RAD54L2: variants seen among roughly 807,000 people sequenced by gnomAD.
The protein encoded by RAD54L2 is helicase ARIP4.
A neutral mutation model predicts 138.4 loss-of-function variants in RAD54L2; 27 were observed. The ratio of observed to expected loss-of-function variants is 0.20; its 90% CI spans 0.14 to 0.27. RAD54L2 has a LOEUF of 0.27. Among genes scored for constraint, RAD54L2 ranks in the 10% least tolerant of loss-of-function variants. The pLI, the probability that RAD54L2 is intolerant of heterozygous loss-of-function variation, is 1.00. For missense variants in RAD54L2, 1,396 were observed against 1,890.2 expected, an observed-to-expected ratio of 0.74 and a Z score of 4.85; for synonymous variants, 644 against 723.2, an observed-to-expected ratio of 0.89 and a Z score of 1.76.
In RAD54L2 at chr3:51,638,449, C is replaced by T; in HGVS notation, c.1860+128C>T. Reference sequence around the variant, plus strand: ...GAGAGGGGGCCACCTCAGTTCACTGCACTGGAGGTTTGGGGGCTCCAAGGA... The same window carrying T: ...GAGAGGGGGCCACCTCAGTTCACTGTACTGGAGGTTTGGGGGCTCCAAGGA... On this transcript the variant is annotated intron_variant, in intron 12 of 22. Transcript: ENST00000684192. The surrounding 1 kb of genome is among the most constrained non-coding windows in gnomAD (Gnocchi z 4.3). The T allele has an allele frequency of 1.8e-6, 2 of 1,129,326 alleles. No individual in the cohort carries two copies. The highest frequency in any genetic ancestry group is 2.5e-6 in the Non-Finnish European group (2 of 798,374). 70.0% of individuals were successfully genotyped at this position (1,129,326 alleles called of 1,614,324 possible).
rs746437143 is a variant in RAD54L2, at chr3:51,630,336, C to T, written c.546C>T (p.Val182=). Residue 182 remains valine (V), a synonymous_variant, in exon 6 of 23, where the codon GTC becomes GTT. Transcript: ENST00000684192. The part of the protein sequence containing the change: ...QLPPRVLAQE[V]ICLDSSSGSE... ...CTCCTCGGGTCTTGGCCCAGGAAGTCATTTGTTTGGACAGTAGCAGTGGCA... is the reference window on the plus strand; with the variant it reads ...CTCCTCGGGTCTTGGCCCAGGAAGTTATTTGTTTGGACAGTAGCAGTGGCA... The T allele has an allele frequency of 6.3e-5, 101 of 1,613,862 alleles. No individual in the cohort carries two copies. Among genetic ancestry groups the T allele is most frequent in the Non-Finnish European group, 8.1e-5 (95 of 1,179,890 alleles).
In RAD54L2 at chr3:51,638,302, C is replaced by G; in HGVS notation, c.1841C>G (p.Ala614Gly). 6.2e-7 allele frequency: 1 copy of G among 1,613,884 alleles called. No individual in the cohort carries two copies. Among genetic ancestry groups the G allele is most frequent in the Non-Finnish European group, 8.5e-7 (1 of 1,179,880 alleles). Reference sequence around the variant, plus strand: ...TGGCTGGGGCTGAACCCCCTTAAGGCATTCTGTGTGTGTTGCAAGGTGCAT... The same window carrying G: ...TGGCTGGGGCTGAACCCCCTTAAGGGATTCTGTGTGTGTTGCAAGGTGCAT... ...SGWLGLNPLK[A>G]FCVCCKIWNH... The change falls in exon 12 of 23, where the codon GCA (alanine) becomes GGA (glycine). Residue 614 changes from alanine to glycine, a missense_variant. Physicochemically the swap from Ala to Gly is moderately conservative, Grantham distance 60. Around this residue, in one of 7 missense-constraint regions of RAD54L2, gnomAD observed 211 missense variants for 273.8 expected, o/e 0.77. Coordinates refer to ENST00000684192, the MANE Select transcript of RAD54L2 (RefSeq NM_015106.4). This position sits in a 1 kb window ranked among gnomAD's most constrained non-coding sequence, Gnocchi z 4.3.
intron 15 of RAD54L2, among the ~76,000 whole-genome samples, chr3:51,642,374 T>C (rs1701161130): frequency 6.6e-6 from 1 of 151,754 alleles, no homozygotes; most frequent in Non-Finnish European, 1.5e-5. Flanking sequence ...TCTTAACTTT[T>C]AAAATGTGTA....
intron 12 of RAD54L2, chr3:51,639,074 A>G (rs1290172827): frequency 7.2e-6 from 2 of 279,082 alleles, no homozygotes; most frequent in Non-Finnish European, 1.4e-5. Flanking sequence ...ATAGTTTTAT[A>G]CAGTAGCAGA....
Position 51,663,664 on chromosome 3 carries a change from G to C in RAD54L2, c.*244G>C, listed in dbSNP as rs1386338392. ...CGGGAAATCAGGGACCCAAAACAGG[G>C]ATGGAGGGGCAGTGCAGCCTCTTTT... On this transcript the variant is annotated 3_prime_UTR_variant, in exon 23 of 23. Coordinates refer to ENST00000684192, the MANE Select transcript of RAD54L2 (RefSeq NM_015106.4). 8.1e-6 allele frequency: 4 copies of C among 495,368 alleles called. No homozygotes were observed. In the East Asian group the frequency reaches 1.3e-4, roughly 17 times the overall value. 30.7% of individuals were successfully genotyped at this position (495,368 alleles called of 1,614,324 possible).
chr3:51,640,786 G>A (rs556044566), intron 14 of RAD54L2, among the ~76,000 whole-genome samples: 3 of 152,332 alleles, frequency 2.0e-5, no homozygotes, highest in African/African-American at 7.2e-5. Flanking sequence ...CATATCTGAT[G>A]TATATTCATG....
intron 7 of RAD54L2, 43 bp downstream of exon 7, chr3:51,630,974 C>T (rs1414406240): frequency 6.5e-7 from 1 of 1,549,618 alleles, no homozygotes; most frequent in Admixed American, 1.7e-5. Context: ...CTTTTTGTTT[C>T]CTTGTTGTGA....
intron 2 of RAD54L2, among the ~76,000 whole-genome samples, chr3:51,553,464 A>G (rs1178935575): frequency 6.6e-6 from 1 of 152,198 alleles, no homozygotes; most frequent in African/African-American, 2.4e-5. Flanking sequence ...GTTCTAGACC[A>G]TTACAATAAA....
intron 21 of RAD54L2, among the ~76,000 whole-genome samples, chr3:51,658,195 G>A (rs1285335249): frequency 3.3e-5 from 5 of 151,606 alleles, no homozygotes; most frequent in East Asian, 1.9e-4. Context: ...GCCTCCCAAC[G>A]TGCCGGGATT....
intron 2 of RAD54L2, among the ~76,000 whole-genome samples, chr3:51,551,168 T>G (rs1698826958): frequency 6.6e-6 from 1 of 152,148 alleles, no homozygotes; most frequent in Non-Finnish European, 1.5e-5. Flanking sequence ...GGTCTCAGTC[T>G]GTCACCTAGG....
chr3:51,551,352 T>C (rs940136984), intron 2 of RAD54L2, among the ~76,000 whole-genome samples: 2 of 151,652 alleles, frequency 1.3e-5, no homozygotes, highest in Admixed American at 6.6e-5. Context: ...AGGCTGGTCT[T>C]GAACTCCTGG....
rs754216593 is a variant in RAD54L2 at position 51,657,593 on chromosome 3, T to C, written c.3240T>C (p.Pro1080=). Residue 1080 remains proline (P), a synonymous_variant, in exon 21 of 23, where the codon CCT becomes CCC. Transcript: ENST00000684192. ...KVVTTTDIVI[P]GLNSSTDVQA... ...TGTTTTTCCTAGATATTGTTATTCC[T>C]GGACTCAACAGCTCCACAGATGTAC... The C allele has an allele frequency of 5.1e-6, 8 of 1,572,984 alleles. No individual in the cohort carries two copies. Among genetic ancestry groups the C allele is most frequent in the African/African-American group, 1.3e-5 (1 of 74,158 alleles).
chr3:51,657,411 T>C (rs188267614), intron 20 of RAD54L2, among the ~76,000 whole-genome samples, 169 bp from the exon 21 acceptor site: 1 of 152,342 alleles, frequency 6.6e-6, no homozygotes, highest in African/African-American at 2.4e-5. Context: ...GTTTAGATAA[T>C]TGTGAAAGAT....
chr3:51,585,251 T>C (rs72951486), intron 2 of RAD54L2, among the ~76,000 whole-genome samples: 5,820 of 152,266 alleles, frequency 0.038, 394 homozygotes, highest in African/African-American at 0.13. Context: ...CAGAATTTAG[T>C]ACTACTGAAG....
intron 3 of RAD54L2, among the ~76,000 whole-genome samples, chr3:51,598,476 G>C (rs1470557565): frequency 6.6e-6 from 1 of 152,110 alleles, no homozygotes; most frequent in African/African-American, 2.4e-5. Context: ...GGTGGCTCAC[G>C]CCTGTAATCC....
rs1435771680 is a variant in RAD54L2, at chr3:51,665,284, C to T, written c.*1864C>T. ...CCTTACTGGGCAGGTGGTGTACCTGCCTCTTCCCAGCCCAGAAGGCAGCTT... is the reference window on the plus strand; with the variant it reads ...CCTTACTGGGCAGGTGGTGTACCTGTCTCTTCCCAGCCCAGAAGGCAGCTT... On this transcript the variant is annotated 3_prime_UTR_variant, in exon 23 of 23. Transcript: ENST00000684192. 2.0e-5 allele frequency: 3 copies of T among 152,034 alleles called. No homozygotes were observed. The highest frequency in any genetic ancestry group is 7.3e-5 in the African/African-American group (3 of 41,370). The allele number at this position is 152,034 out of a possible 1,614,324, so 9.4% of individuals were successfully genotyped here. A position where few individuals can be genotyped will look rare whatever the true frequency, so the allele number is the denominator to read the frequency against.
chr3:51,639,968 G>A lies in RAD54L2; in HGVS notation c.2200G>A (p.Val734Met), dbSNP rs780302192. The change falls in exon 14 of 23, where the codon GTG becomes ATG. Residue 734 changes from valine to methionine, a missense_variant. Coordinates refer to ENST00000684192, the MANE Select transcript of RAD54L2 (RefSeq NM_015106.4). The part of the protein sequence containing the change: ...VLLFHLIEES[V>M]KLGDKILVFS... Reference sequence around the variant, plus strand: ...GCTTTTCCACCTGATTGAGGAAAGTGTGAAGCTTGGGGACAAGATCCTTGT... The same window carrying A: ...GCTTTTCCACCTGATTGAGGAAAGTATGAAGCTTGGGGACAAGATCCTTGT... 1 of 1,610,072 alleles carries A rather than the reference G, an allele frequency of 6.2e-7. No individual in the cohort carries two copies. The highest frequency in any genetic ancestry group is 1.1e-5 in the South Asian group (1 of 90,670).
At chr3:51,651,740 C>G (rs527886298) in intron 19 of RAD54L2, among the ~76,000 whole-genome samples, 23 of 152,248 alleles carry the variant, frequency 1.5e-4, no homozygotes, top group African/African-American at 5.5e-4. Context: ...TCAACAGCCC[C>G]TCATGCTAAA....
At chr3:51,563,181 C>T (rs146053481) in intron 2 of RAD54L2, among the ~76,000 whole-genome samples, 9 of 152,130 alleles carry the variant, frequency 5.9e-5, no homozygotes, top group South Asian at 2.1e-4. Flanking sequence ...TTAGACATTC[C>T]AGAGACCACC....
Sources: allele counts gnomAD v4.1 joint callset (sites outside exome capture counted in the v4.1 genomes callset), GRCh38; gene constraint gnomAD v4.1.1; regional missense constraint gnomAD v4.1.1; non-coding constraint Gnocchi (gnomAD v3.1); transcripts MANE v1.5; gene names NCBI Gene and HGNC (gene_info 2026-07-23, HGNC 2026-07-21).